NDUFS1: variants seen among roughly 807,000 people sequenced by gnomAD.
The protein encoded by NDUFS1 is NADH-ubiquinone oxidoreductase 75 kDa subunit, mitochondrial.
In NDUFS1, 61 loss-of-function variants were observed where a neutral mutation model predicts 84.4. The observed-to-expected ratio is 0.72, with a 90% CI of 0.59 to 0.89. NDUFS1 has a LOEUF of 0.89. Ranked by LOEUF, NDUFS1 falls within the 40% of genes least tolerant of loss-of-function variation. The probability of loss-of-function intolerance (pLI) is 0.00; values close to 1 mark genes in which losing one functional copy is unlikely to be tolerated. For synonymous variants in NDUFS1, 275 were observed against 290.0 expected, an observed-to-expected ratio of 0.95 and a Z score of 0.53; for missense variants, 891 against 890.0, an observed-to-expected ratio of 1.00 and a Z score of -0.01.
Position 206,142,002 on chromosome 2 carries a change from G to T in NDUFS1, c.1201C>A (p.Leu401Ile). ...AAACGTGGGTTTGTACCAACCAGAAGAACAACATCTGCCTCTTCCACACCA... is the reference window on the plus strand; with the variant it reads ...AAACGTGGGTTTGTACCAACCAGAATAACAACATCTGCCTCTTCCACACCA... The part of the protein sequence containing the change: ...IAGVEEADVV[L>I]LVGTNPRFEA... Residue 401 changes from leucine (L) to isoleucine (I), a missense_variant, in exon 12 of 19, where the codon CTT (leucine) becomes ATT (isoleucine). Coordinates refer to ENST00000233190, the MANE Select transcript of NDUFS1 (RefSeq NM_005006.7). 2 of 1,608,994 alleles carry T rather than the reference G, an allele frequency of 1.2e-6. No individual in the cohort carries two copies. Among genetic ancestry groups the T allele is most frequent in the South Asian group, 2.2e-5 (2 of 91,010 alleles).
At chr2:206,136,332 A>G (rs1399911768) in intron 13 of NDUFS1, among the ~76,000 whole-genome samples, 2 of 150,768 alleles carry the variant, frequency 1.3e-5, no homozygotes, top group African/African-American at 4.9e-5. Flanking sequence ...AATTACAGGC[A>G]TGAGCCACCG....
chr2:206,148,330 A>G (rs944878562), intron 5 of NDUFS1, among the ~76,000 whole-genome samples: 3 of 151,996 alleles, frequency 2.0e-5, no homozygotes, highest in African/African-American at 4.8e-5. Flanking sequence ...CATTGTGGTA[A>G]TATTTTTTTT....
intron 1 of NDUFS1, among the ~76,000 whole-genome samples, chr2:206,154,813 C>G (rs892906321): frequency 6.6e-6 from 1 of 151,744 alleles, no homozygotes; most frequent in African/African-American, 2.4e-5. Flanking sequence ...TTAGTAGAGA[C>G]AGGGTTTCAC....
chr2:206,141,012 A>G (rs1385205516), intron 12 of NDUFS1, among the ~76,000 whole-genome samples: 1 of 151,880 alleles, frequency 6.6e-6, no homozygotes, highest in Admixed American at 6.6e-5. Flanking sequence ...TGTGAACAAT[A>G]TACAAAATGG....
Position 206,147,632 on chromosome 2 carries a change from C to T in NDUFS1, c.450G>A (p.Arg150=), listed in dbSNP as rs1293603393. The part of the protein sequence containing the change: ...QDQSMMFGND[R]SRFLEGKRAV... ...CACGCTTCCCCTCTAAAAATCGGCT[C>T]CTATCATTTCCAAACATCATGGACT... Residue 150 remains arginine, a synonymous_variant, in exon 7 of 19, where the codon AGG becomes AGA. Coordinates refer to ENST00000233190, the MANE Select transcript of NDUFS1 (RefSeq NM_005006.7). The T allele has an allele frequency of 6.2e-7, 1 of 1,614,134 alleles. No individual in the cohort carries two copies.
Position 206,124,172 on chromosome 2 carries a change from C to T in NDUFS1, c.*13G>A, listed in dbSNP as rs1437927810. ...TAATTATCTGCGGCAAAACTGGGATCCTAGTAGAAGCTTCAGCATATGGAT... is the reference window on the plus strand; with the variant it reads ...TAATTATCTGCGGCAAAACTGGGATTCTAGTAGAAGCTTCAGCATATGGAT... On this transcript the variant is annotated 3_prime_UTR_variant, in exon 19 of 19. Coordinates refer to ENST00000233190, the MANE Select transcript of NDUFS1 (RefSeq NM_005006.7). 7 of 1,570,348 alleles carry T rather than the reference C, an allele frequency of 4.5e-6. No homozygotes were observed. In the Admixed American group the frequency reaches 1.2e-4, roughly 26 times the overall value.
At chr2:206,154,828 T>C (rs997579583) in intron 1 of NDUFS1, among the ~76,000 whole-genome samples, 7 of 152,094 alleles carry the variant, frequency 4.6e-5, no homozygotes, top group African/African-American at 1.4e-4. Context: ...TTTCACCATG[T>C]TGGCCAGGCT....
intron 5 of NDUFS1, 55 bp from the exon 6 acceptor site, chr2:206,147,889 TA>T: frequency 6.8e-7 from 1 of 1,466,474 alleles, no homozygotes; most frequent in East Asian, 2.3e-5. Context: ...ACACTGACAT[TA>T]ACTGCTGGCA....
chr2:206,142,138 T>A, intron 11 of NDUFS1, 69 bp from the exon 12 acceptor site: 1 of 1,376,758 alleles, frequency 7.3e-7, no homozygotes, highest in Admixed American at 1.8e-5. Flanking sequence ...CATGAAATAT[T>A]CTCCTATCAT....
chr2:206,143,804 T>C (rs1388855723), intron 10 of NDUFS1, among the ~76,000 whole-genome samples: 2 of 152,174 alleles, frequency 1.3e-5, no homozygotes, highest in East Asian at 3.8e-4. Context: ...TACAAGATTG[T>C]AGGATGCAGG....
At chr2:206,157,784 T>C (rs1687719357) in intron 1 of NDUFS1, among the ~76,000 whole-genome samples, 2 of 152,116 alleles carry the variant, frequency 1.3e-5, no homozygotes, top group South Asian at 4.1e-4. Context: ...GAAATAATTA[T>C]CTCTTTGGAT....
At chr2:206,149,489 G>A (rs1692286320) in intron 4 of NDUFS1, among the ~76,000 whole-genome samples, 1 of 152,136 alleles carries the variant, frequency 6.6e-6, no homozygotes, top group South Asian at 2.1e-4. Flanking sequence ...TACTAAAAAT[G>A]GCAGGGCGTC....
intron 3 of NDUFS1, among the ~76,000 whole-genome samples, chr2:206,150,921 A>G (rs539580155): frequency 1.3e-5 from 2 of 150,960 alleles, no homozygotes; most frequent in East Asian, 3.9e-4. Context: ...TTTTTTTCTC[A>G]CTGTTAAAGC....
intron 1 of NDUFS1, among the ~76,000 whole-genome samples, chr2:206,157,966 T>C (rs72944836): frequency 2.0e-3 from 79 of 40,122 alleles, no homozygotes; most frequent in African/African-American, 3.3e-3. Flanking sequence ...TCAATAGCTT[T>C]TTTTTTTTTT....
chr2:206,151,874 C>CTTTTTTTTTTTTTTTTTTTTT (rs201786995), intron 3 of NDUFS1, among the ~76,000 whole-genome samples: 1 of 151,366 alleles, frequency 6.6e-6, no homozygotes, highest in Admixed American at 6.6e-5. Flanking sequence ...AATTTCTTTT[C>CTTTTTTTTTTTTTTTTTTTTT]TTTTTTTTTG....
Position 206,116,500 on chromosome 2 carries a change from T to C in NDUFS1, c.*7685A>G, listed in dbSNP as rs1303148105. On this transcript the variant is annotated 3_prime_UTR_variant, in exon 19 of 19. Transcript: ENST00000233190. ...ACGCTCCGCACCACTCGCAGCGCCA[T>C]GTTCCCAGGGGTGCGGGGATGGCAG... The C allele has an allele frequency of 6.6e-6, 8 of 1,212,314 alleles. No homozygotes were observed. Among genetic ancestry groups the C allele is most frequent in the Non-Finnish European group, 7.0e-6 (6 of 855,386 alleles). 75.1% of individuals were successfully genotyped at this position (1,212,314 alleles called of 1,614,324 possible).
intron 9 of NDUFS1, 134 bp from the exon 10 acceptor site, chr2:206,144,266 G>A: frequency 1.5e-6 from 1 of 669,472 alleles, no homozygotes; most frequent in Non-Finnish European, 2.6e-6. Flanking sequence ...CTAGATACAA[G>A]TAATTATTCC....
At chr2:206,152,364 A>C (rs1199753705) in intron 3 of NDUFS1, 55 bp downstream of exon 3, 1 of 1,281,626 alleles carries the variant, frequency 7.8e-7, no homozygotes, top group African/African-American at 1.5e-5. Flanking sequence ...GAAATAAATT[A>C]GTATTTTTAA....
chr2:206,152,449 G>A lies in NDUFS1; in HGVS notation c.123C>T (p.Val41=), dbSNP rs2230888. ...GGACGGTCGTTCCCGGTTCCACCAT[G>A]ACAGACTGACCATCAACAAATACTT... ...LIEVFVDGQS[V]MVEPGTTVLQ... The change falls in exon 3 of 19, where the codon GTC becomes GTT. Residue 41 remains valine (V), a synonymous_variant. Transcript: ENST00000233190. 4.0e-3 allele frequency: 6,498 copies of A among 1,614,080 alleles called. 220 individuals carry two copies. The African/African-American group carries it at 0.078, about 19-fold the overall frequency.
Sources: allele counts gnomAD v4.1 joint callset (sites outside exome capture counted in the v4.1 genomes callset), GRCh38; gene constraint gnomAD v4.1.1; transcripts MANE v1.5; gene names NCBI Gene and HGNC (gene_info 2026-07-23, HGNC 2026-07-21).